Variants in TMEM230 observed in about 807,000 individuals in gnomAD.
TMEM230 encodes UPF0414 transmembrane protein C20orf30.
In TMEM230, 10 loss-of-function variants were observed where a neutral mutation model predicts 15.8. The observed-to-expected ratio is 0.63, with a 90% CI of 0.39 to 1.07. The LOEUF (loss-of-function observed/expected upper bound fraction) is 1.07, where lower values mean the gene tolerates loss of function less well. TMEM230 is among the 50% of genes least tolerant of loss of function. The pLI, the probability that TMEM230 is intolerant of heterozygous loss-of-function variation, is 0.01. For missense variants in TMEM230, 165 were observed against 193.3 expected, an observed-to-expected ratio of 0.85 and a Z score of 0.87; for synonymous variants, 67 against 76.9, an observed-to-expected ratio of 0.87 and a Z score of 0.68.
chr20:5,086,100 G>T (rs950529243), intron 3 of TMEM230, among the ~76,000 whole-genome samples: 1 of 151,956 alleles, frequency 6.6e-6, no homozygotes. Context: ...CAATGAAAAG[G>T]GTTTTAATAT....
In TMEM230 at chr20:5,074,026, G is replaced by C. The variant is rs143760587; in HGVS notation, c.223-4677C>G. Among the ~76,000 whole-genome samples the C allele has an allele frequency of 5.1e-3, 781 of 152,232 alleles. 5 individuals are homozygous for C. Among genetic ancestry groups the C allele is most frequent in the African/African-American group, 0.018 (747 of 41,530 alleles). The stretch of plus-strand genomic sequence containing the variant: ...CACATGGTGGGAACAAGCAAGGCGG[G>C]GGAGGGGCCACACTTTTGCACAACC... On this transcript the variant is annotated intron_variant, in intron 3 of 3. Coordinates refer to the TMEM230 transcript ENST00000612323.
chr20:5,082,367 A>G (rs1476146818), intron 3 of TMEM230, among the ~76,000 whole-genome samples: 1 of 151,514 alleles, frequency 6.6e-6, no homozygotes, highest in Non-Finnish European at 1.5e-5. Context: ...CAGCCTCCCA[A>G]GTAGCTGGAA....
exon 4 of TMEM230, chr20:5,069,018 G>A: frequency 3.2e-6 from 2 of 622,064 alleles, no homozygotes. Flanking sequence ...GAATTCCTTT[G>A]GCCTGCTCCT....
chr20:5,082,232 CTT>C (rs1227437024), intron 3 of TMEM230, among the ~76,000 whole-genome samples: 3 of 105,916 alleles, frequency 2.8e-5, no homozygotes, highest in East Asian at 7.5e-4. Context: ...TTCTCTCTCT[CTT>C]TCTCTCTCTC....
At chr20:5,098,810 G>C (rs118187162), downstream of TMEM230, among the ~76,000 whole-genome samples, 19 of 151,906 alleles carry the variant, frequency 1.3e-4, no homozygotes, top group Non-Finnish European at 5.9e-5. Context: ...AATTGGGGGG[G>C]GGAAATTATA....
downstream of TMEM230, among the ~76,000 whole-genome samples, chr20:5,063,735 T>C (rs1341578643): frequency 1.3e-5 from 2 of 152,166 alleles, no homozygotes; most frequent in Non-Finnish European, 2.9e-5. Context: ...GATGTACACA[T>C]ACATGTGTAT....
At chr20:5,069,416 A>G in intron 3 of TMEM230, 1 of 1,453,284 alleles carries the variant, frequency 6.9e-7, no homozygotes, top group Non-Finnish European at 9.1e-7. Context: ...AAAAAATCCT[A>G]ATTGTCAAGA....
chr20:5,106,120 C>CACACAT, intron 4 of TMEM230, 68 bp downstream of exon 3: 1 of 1,536,134 alleles, frequency 6.5e-7, no homozygotes, highest in African/African-American at 1.5e-5. Flanking sequence ...CACACACACA[C>CACACAT]GCACACTAGA....
chr20:5,066,670 CAAAAAAAAAA>C (rs71332869), downstream of TMEM230, among the ~76,000 whole-genome samples: 1 of 90,802 alleles, frequency 1.1e-5, no homozygotes, highest in African/African-American at 3.9e-5. Flanking sequence ...GACTCTGTCT[CAAAAAAAAAA>C]AAAAAAAAAT....
downstream of TMEM230, among the ~76,000 whole-genome samples, chr20:5,096,742 C>T (rs969084981): frequency 2.0e-5 from 3 of 152,162 alleles, no homozygotes; most frequent in African/African-American, 2.4e-5. Flanking sequence ...AGGAGTCTGA[C>T]GTAAATGTAG....
At chr20:5,076,163 G>A (rs73589361) in intron 3 of TMEM230, among the ~76,000 whole-genome samples, 7,003 of 152,046 alleles carry the variant, frequency 0.046, 503 homozygotes, top group African/African-American at 0.16. Context: ...CACTGGACAG[G>A]AAGTGTCCTA....
chr20:5,081,864 CT>C (rs770805896), intron 3 of TMEM230, among the ~76,000 whole-genome samples: 3 of 140,334 alleles, frequency 2.1e-5, no homozygotes, highest in South Asian at 2.1e-4. Flanking sequence ...CACTGATTTT[CT>C]TTTTTTTCTT....
chr20:5,104,805 T>C (rs2090005340), intron 4 of TMEM230, among the ~76,000 whole-genome samples: 1 of 152,170 alleles, frequency 6.6e-6, no homozygotes, highest in Non-Finnish European at 1.5e-5. Context: ...CTCACTCATT[T>C]GCGGGAACTA....
chr20:5,112,619 A>T, intron 1 of TMEM230: 1 of 1,153,528 alleles, frequency 8.7e-7, no homozygotes, highest in Non-Finnish European at 1.1e-6. Context: ...CAGGCTTTTT[A>T]CCAGCTCACC....
chr20:5,095,599 C>T (rs2089643788), downstream of TMEM230, among the ~76,000 whole-genome samples: 2 of 152,114 alleles, frequency 1.3e-5, no homozygotes, highest in Non-Finnish European at 2.9e-5. Context: ...GCCCCCACAC[C>T]CAGGGCCACC....
chr20:5,106,156 C>T (rs1346653266), intron 4 of TMEM230, 32 bp downstream of exon 3: 3 of 1,598,144 alleles, frequency 1.9e-6, no homozygotes, highest in Admixed American at 1.8e-5. Flanking sequence ...TTAAAAATCT[C>T]ACAACTTATT....
At chr20:5,077,762 A>G (rs2089048953) in intron 3 of TMEM230, among the ~76,000 whole-genome samples, 1 of 152,004 alleles carries the variant, frequency 6.6e-6, no homozygotes, top group African/African-American at 2.4e-5. Flanking sequence ...TGAACCTGGG[A>G]GGCAGAGGTT....
intron 3 of TMEM230, among the ~76,000 whole-genome samples, chr20:5,081,002 A>C (rs1019313423): frequency 2.6e-5 from 4 of 152,238 alleles, no homozygotes; most frequent in African/African-American, 9.6e-5. Context: ...TTACAGCAAT[A>C]TGATGTTGTC....
chr20:5,081,804 G>A (rs1320695374), intron 3 of TMEM230, among the ~76,000 whole-genome samples: 1 of 151,810 alleles, frequency 6.6e-6, no homozygotes, highest in Non-Finnish European at 1.5e-5. Flanking sequence ...TCATTATGAC[G>A]AGGAGTAAAT....
Sources: gnomAD v4.1 joint callset for allele counts (sites outside exome capture counted in the v4.1 genomes callset) on GRCh38, gnomAD v4.1.1 for gene constraint, MANE v1.5 for transcripts, NCBI Gene and HGNC (gene_info 2026-07-23, HGNC 2026-07-21) for gene names.